The following ST18 variants were observed in gnomAD, a reference collection of about 807,000 sequenced individuals.
ST18 encodes the protein suppression of tumorigenicity 18 protein.
ST18 carries 50 observed loss-of-function variants against 110.0 expected under a neutral mutation model. That is an observed-to-expected ratio of 0.45 (90% CI 0.36 to 0.58). The LOEUF (loss-of-function observed/expected upper bound fraction) is 0.58, where lower values mean the gene tolerates loss of function less well. ST18 is among the 20% of genes least tolerant of loss of function. The pLI is 0.00. For synonymous variants in ST18, 461 were observed against 452.4 expected (o/e 1.02, Z -0.24); for missense variants, 1,306 against 1,280.1 (o/e 1.02, Z -0.31).
chr8:52,344,489 C>A (rs1376634617), intron 2 of ST18, among the ~76,000 whole-genome samples: 2 of 152,022 alleles, frequency 1.3e-5, no homozygotes, highest in Non-Finnish European at 2.9e-5. Context: ...CAACCTCCAC[C>A]TCCCGGGTTC....
intron 2 of ST18, among the ~76,000 whole-genome samples, chr8:52,328,260 C>A (rs545870891): frequency 6.6e-6 from 1 of 152,226 alleles, no homozygotes; most frequent in South Asian, 2.1e-4. Context: ...AGTAATAGGA[C>A]CAGAATGAGA....
intron 8 of ST18, chr8:52,194,816 C>A (rs1388829939): frequency 3.3e-5 from 5 of 152,188 alleles, no homozygotes; most frequent in Admixed American, 3.3e-4. Context: ...ACATCATGAA[C>A]TGATCAGTTC....
At chr8:52,231,239 A>G (rs912669098) in intron 2 of ST18, among the ~76,000 whole-genome samples, 1 of 152,212 alleles carries the variant, frequency 6.6e-6, no homozygotes, top group Non-Finnish European at 1.5e-5. Flanking sequence ...TAATGCAGAC[A>G]CAGTGTGCCC....
chr8:52,158,457 C>T (rs1235849844), intron 15 of ST18, among the ~76,000 whole-genome samples: 1 of 152,170 alleles, frequency 6.6e-6, no homozygotes, highest in Non-Finnish European at 1.5e-5. Context: ...TTTCATGGGT[C>T]AATTTTGCAA....
intron 2 of ST18, among the ~76,000 whole-genome samples, chr8:52,367,050 T>C (rs997931023): frequency 6.6e-6 from 1 of 152,174 alleles, no homozygotes; most frequent in East Asian, 1.9e-4. Context: ...CTGACGAACA[T>C]GGTGAAGCCC....
At chr8:52,395,169 C>A (rs907078099) in intron 2 of ST18, among the ~76,000 whole-genome samples, 9 of 152,324 alleles carry the variant, frequency 5.9e-5, no homozygotes, top group Admixed American at 5.9e-4. Context: ...CACCATCTCT[C>A]CTGTACAATG....
chr8:52,279,550 T>C (rs1239632977), intron 2 of ST18, among the ~76,000 whole-genome samples: 1 of 152,136 alleles, frequency 6.6e-6, no homozygotes, highest in Non-Finnish European at 1.5e-5. Flanking sequence ...CAATAAACTC[T>C]ACCCAGAATA....
chr8:52,310,233 G>C (rs2095881160), intron 2 of ST18, among the ~76,000 whole-genome samples: 1 of 152,178 alleles, frequency 6.6e-6, no homozygotes, highest in Non-Finnish European at 1.5e-5. Context: ...TGCTACAGCT[G>C]TCATCAGTGT....
At chr8:52,153,438 C>A in intron 15 of ST18, among the ~76,000 whole-genome samples, 1 of 152,114 alleles carries the variant, frequency 6.6e-6, no homozygotes, top group East Asian at 1.9e-4. Context: ...TTGGGAGTAT[C>A]TTTTCCATAC....
chr8:52,180,523 T>A (rs530008272), intron 8 of ST18, among the ~76,000 whole-genome samples: 25 of 152,168 alleles, frequency 1.6e-4, no homozygotes, highest in South Asian at 2.1e-4. Context: ...TTTTTTTTTT[T>A]AAATCATCCT....
At chr8:52,341,963 C>T (rs192697955) in intron 2 of ST18, among the ~76,000 whole-genome samples, 4 of 152,282 alleles carry the variant, frequency 2.6e-5, no homozygotes, top group South Asian at 4.1e-4. Context: ...TGGGGAGATG[C>T]TGGTCAAAGG....
At position 52,192,712 on chromosome 8, in the gene ST18, C is replaced by T. The variant is rs73580759; in HGVS notation, c.87-12400G>A. On this transcript the variant is annotated intron_variant, in intron 8 of 25. Coordinates refer to ENST00000689386, the MANE Select transcript of ST18 (RefSeq NM_001352837.2). ...TACAGTTAGGAGGAGCTTGGTTTAC[C>T]ATAATTTCCAGTGACTACTTAAAGG... 8.5e-3 allele frequency among the ~76,000 whole-genome samples: 1,291 copies of T among 152,280 alleles called. 15 individuals carry two copies. The highest frequency in any genetic ancestry group is 0.029 in the African/African-American group (1,220 of 41,534).
chr8:52,376,189 C>T (rs1832294101), intron 2 of ST18, among the ~76,000 whole-genome samples: 3 of 152,172 alleles, frequency 2.0e-5, no homozygotes, highest in African/African-American at 7.2e-5. Flanking sequence ...AGTGTTTCCC[C>T]ACACTACTCA....
chr8:52,240,923 T>C (rs1392856967), intron 2 of ST18, among the ~76,000 whole-genome samples: 1 of 152,222 alleles, frequency 6.6e-6, no homozygotes, highest in Non-Finnish European at 1.5e-5. Context: ...GAATTTCAGA[T>C]CCACTGATCA....
At chr8:52,282,814 G>A (rs1043155652) in intron 2 of ST18, among the ~76,000 whole-genome samples, 1 of 152,124 alleles carries the variant, frequency 6.6e-6, no homozygotes, top group South Asian at 2.1e-4. Flanking sequence ...CCCCGAGAAA[G>A]TATGGTGCCC....
intron 16 of ST18, among the ~76,000 whole-genome samples, chr8:52,144,021 T>C (rs935035044): frequency 1.3e-5 from 2 of 152,194 alleles, no homozygotes; most frequent in African/African-American, 2.4e-5. Flanking sequence ...GGATGGAATT[T>C]CTTGTTGGAT....
intron 2 of ST18, among the ~76,000 whole-genome samples, chr8:52,297,631 C>A (rs1329361962): frequency 3.3e-5 from 5 of 151,946 alleles, no homozygotes; most frequent in African/African-American, 1.2e-4. Flanking sequence ...TTAAAGGCAC[C>A]TACATCAAAA....
intron 8 of ST18, 76 bp from the exon 9 acceptor site, chr8:52,180,388 C>G: frequency 6.5e-7 from 1 of 1,536,638 alleles, no homozygotes; most frequent in Non-Finnish European, 8.9e-7. Flanking sequence ...TTCATGAAGT[C>G]TAACCTAAAG....
intron 15 of ST18, among the ~76,000 whole-genome samples, chr8:52,155,532 G>C (rs879609742): frequency 6.6e-6 from 1 of 152,316 alleles, no homozygotes; most frequent in South Asian, 2.1e-4. Flanking sequence ...GAGGGATGCT[G>C]GTTGAGTGAA....
Sources: allele counts gnomAD v4.1 joint callset (sites outside exome capture counted in the v4.1 genomes callset), GRCh38; gene constraint gnomAD v4.1.1; transcripts MANE v1.5; gene names NCBI Gene and HGNC (gene_info 2026-07-23, HGNC 2026-07-21).